The following ALCAM variants were observed in gnomAD, a reference collection of about 807,000 sequenced individuals.
ALCAM encodes the protein CD166 antigen.
Under a neutral mutation model 70.9 loss-of-function variants are expected in ALCAM, and 30 were observed. The observed-to-expected ratio is 0.42, with a 90% confidence interval of 0.32 to 0.57. The LOEUF (loss-of-function observed/expected upper bound fraction) is 0.57. Ranked by LOEUF, ALCAM falls within the 20% of genes least tolerant of loss-of-function variation. ALCAM has a pLI of 0.11. For synonymous variants in ALCAM, 249 were observed against 242.5 expected, an observed-to-expected ratio of 1.03 and a Z score of -0.25; for missense variants, 591 against 695.1, an observed-to-expected ratio of 0.85 and a Z score of 1.68.
intron 1 of ALCAM, among the ~76,000 whole-genome samples, chr3:105,397,395 C>T (rs896235572): frequency 6.6e-6 from 1 of 151,920 alleles, no homozygotes; most frequent in African/African-American, 2.4e-5. Flanking sequence ...TATGTAAGTA[C>T]ATTATGTTAT....
chr3:105,405,080 C>T (rs965403305), intron 1 of ALCAM, among the ~76,000 whole-genome samples: 1 of 151,918 alleles, frequency 6.6e-6, no homozygotes, highest in African/African-American at 2.4e-5. Context: ...GAATTCGAGA[C>T]CAGCCTGACC....
At chr3:105,438,018 A>C (rs1937089485) in intron 1 of ALCAM, among the ~76,000 whole-genome samples, 1 of 152,130 alleles carries the variant, frequency 6.6e-6, no homozygotes, top group South Asian at 2.1e-4. Context: ...CCTATGATGT[A>C]AAATAAACTT....
At chr3:105,455,161 GCCGGGCA>G (rs1406612488) in intron 1 of ALCAM, among the ~76,000 whole-genome samples, 1 of 151,912 alleles carries the variant, frequency 6.6e-6, no homozygotes, top group Non-Finnish European at 1.5e-5. Flanking sequence ...AAAACATTTG[GCCGGGCA>G]CGGTGGCTCA....
intron 1 of ALCAM, among the ~76,000 whole-genome samples, chr3:105,509,828 G>T (rs1576210670): frequency 6.6e-6 from 1 of 151,778 alleles, no homozygotes; most frequent in Non-Finnish European, 1.5e-5. Context: ...TTTCCCCTAT[G>T]CATTCTTCTA....
rs1207216641 is a variant in ALCAM, at chr3:105,548,622, TA to T, written c.1374+1100del. Among the ~76,000 whole-genome samples, 3 of 151,390 alleles carry T rather than the reference TA, an allele frequency of 2.0e-5. No homozygotes were observed. In the Admixed American group the frequency reaches 2.0e-4, roughly 10 times the overall value. ...TGATGCATATATAGCTGCATAACTC[TA>T]GATATGGAAAGCCCTCAAAAGAGTA... On this transcript the variant is annotated intron_variant, in intron 11 of 15. Coordinates refer to ENST00000306107, the MANE Select transcript of ALCAM (RefSeq NM_001627.4).
chr3:105,467,702 T>A (rs982406846), intron 1 of ALCAM, among the ~76,000 whole-genome samples: 6 of 151,270 alleles, frequency 4.0e-5, no homozygotes, highest in African/African-American at 1.5e-4. Flanking sequence ...ATTTTCATGT[T>A]GGTTCTTACT....
chr3:105,407,700 A>G (rs1020035846), intron 1 of ALCAM, among the ~76,000 whole-genome samples: 4 of 152,116 alleles, frequency 2.6e-5, no homozygotes, highest in African/African-American at 7.2e-5. Context: ...TTTCAACACA[A>G]TACTGGAAGT....
intron 6 of ALCAM, 65 bp from the exon 7 acceptor site, chr3:105,539,910 A>G (rs113972673): frequency 6.6e-7 from 1 of 1,526,164 alleles, no homozygotes; most frequent in East Asian, 2.3e-5. Context: ...AGTCATTTAC[A>G]TTGTATGCAC....
At chr3:105,543,447 T>G (rs914536590) in intron 8 of ALCAM, among the ~76,000 whole-genome samples, 22 of 151,762 alleles carry the variant, frequency 1.4e-4, no homozygotes, top group African/African-American at 5.3e-4. Flanking sequence ...CATCTGATTC[T>G]AAATTATATG....
chr3:105,403,392 A>AACGG (rs1936140856), intron 1 of ALCAM, among the ~76,000 whole-genome samples: 1 of 152,168 alleles, frequency 6.6e-6, no homozygotes, highest in African/African-American at 2.4e-5. Context: ...GAGACCTGAA[A>AACGG]ACGGATCACA....
chr3:105,372,760 T>C (rs1935267286), intron 1 of ALCAM, among the ~76,000 whole-genome samples: 1 of 152,148 alleles, frequency 6.6e-6, no homozygotes, highest in Non-Finnish European at 1.5e-5. Context: ...TGCTTCTCTA[T>C]TACTGTTATT....
chr3:105,408,659 G>T lies in ALCAM; in HGVS notation c.73+41178G>T, dbSNP rs1936309917. 1.3e-5 allele frequency among the ~76,000 whole-genome samples: 2 copies of T among 152,082 alleles called. 1 individual carries two copies. Among genetic ancestry groups the T allele is most frequent in the African/African-American group, 4.8e-5 (2 of 41,520 alleles). On this transcript the variant is annotated intron_variant, in intron 1 of 15. Transcript: ENST00000306107. ...AGTTAGGCAAAGACATCAAGACCAA[G>T]AATCCAAAAGCAAATGCAACAAAAA...
intron 1 of ALCAM, among the ~76,000 whole-genome samples, chr3:105,370,001 G>T (rs1251751872): frequency 6.6e-6 from 1 of 151,938 alleles, no homozygotes; most frequent in African/African-American, 2.4e-5. Flanking sequence ...TGCTTTTCTG[G>T]ATTATTTACA....
At chr3:105,383,021 C>T (rs549840604) in intron 1 of ALCAM, among the ~76,000 whole-genome samples, 1 of 151,916 alleles carries the variant, frequency 6.6e-6, no homozygotes, top group Non-Finnish European at 1.5e-5. Context: ...GTGCCATGCC[C>T]TTCCTGCTTC....
At chr3:105,563,616 G>A (rs1940675573) in intron 14 of ALCAM, among the ~76,000 whole-genome samples, 1 of 141,878 alleles carries the variant, frequency 7.0e-6, no homozygotes, top group African/African-American at 2.7e-5. Context: ...TTTCCCTGTG[G>A]TTTCTTCCTT....
intron 1 of ALCAM, among the ~76,000 whole-genome samples, chr3:105,433,934 A>G (rs960279987): frequency 6.6e-6 from 1 of 150,884 alleles, no homozygotes; most frequent in Non-Finnish European, 1.5e-5. Flanking sequence ...CAGGAAGAAA[A>G]CTGAGTAATT....
chr3:105,478,190 AG>A (rs1938172600), intron 1 of ALCAM, among the ~76,000 whole-genome samples: 1 of 152,024 alleles, frequency 6.6e-6, no homozygotes. Context: ...ATTCATCTCA[AG>A]AGTGTTGAAT....
chr3:105,453,230 A>T (rs1401443803), intron 1 of ALCAM, among the ~76,000 whole-genome samples: 1 of 152,174 alleles, frequency 6.6e-6, no homozygotes, highest in Non-Finnish European at 1.5e-5. Context: ...TCTTTAATCC[A>T]TCTTGAGTTG....
At chr3:105,554,728 A>G (rs963775220) in intron 14 of ALCAM, among the ~76,000 whole-genome samples, 8 of 151,900 alleles carry the variant, frequency 5.3e-5, no homozygotes, top group African/African-American at 1.9e-4. Flanking sequence ...CCCAGAGGCA[A>G]CATCCATTTT....
Sources: gnomAD v4.1 joint callset for allele counts (sites outside exome capture counted in the v4.1 genomes callset) on GRCh38, gnomAD v4.1.1 for gene constraint, MANE v1.5 for transcripts, NCBI Gene and HGNC (gene_info 2026-07-23, HGNC 2026-07-21) for gene names.